Variants in PIK3CD observed in about 807,000 individuals in gnomAD.
PIK3CD encodes the protein phosphatidylinositol 4,5-bisphosphate 3-kinase catalytic subunit delta isoform.
PIK3CD carries 20 observed loss-of-function variants against 122.9 expected under a neutral mutation model. That is an observed-to-expected ratio of 0.16 (90% CI 0.11 to 0.24). The LOEUF is 0.24. Ranked by LOEUF, PIK3CD falls within the 10% of genes least tolerant of loss-of-function variation. PIK3CD has a pLI of 1.00. For missense variants in PIK3CD, 787 were observed against 1,406.3 expected, an observed-to-expected ratio of 0.56 and a Z score of 7.04; for synonymous variants, 596 against 593.4, an observed-to-expected ratio of 1.00 and a Z score of -0.06.
At chr1:9,645,038 T>TTTC in the PIK3CD span, among the ~76,000 whole-genome samples, 1 of 142,892 alleles carries the variant, frequency 7.0e-6, no homozygotes, top group African/African-American at 2.6e-5. Context: ...TTTTTTTTTT[T>TTTC]TTTTTGAGAC....
chr1:9,638,514 C>T, the PIK3CD span, among the ~76,000 whole-genome samples: 69 of 151,934 alleles, frequency 4.5e-4, no homozygotes, highest in African/African-American at 1.6e-3. Context: ...GGGCGGATCA[C>T]GAGGTCAGGA....
intron 2 of PIK3CD, among the ~76,000 whole-genome samples, chr1:9,695,332 G>T (rs80139081): frequency 6.6e-6 from 1 of 152,110 alleles, no homozygotes; most frequent in East Asian, 1.9e-4. Context: ...GGAAAAGTAT[G>T]TAGGAAACAA....
intron 2 of PIK3CD, among the ~76,000 whole-genome samples, chr1:9,706,597 T>C (rs1215898073): frequency 4.6e-5 from 7 of 152,152 alleles, no homozygotes; most frequent in Non-Finnish European, 1.0e-4. Context: ...AATCTAGAAA[T>C]GAAATTGCAG....
At position 9,652,151 on chromosome 1, in the gene PIK3CD, G is replaced by T. The variant is rs886894136; in HGVS notation, c.-138+349G>T. ...TCAGCTGCGCTCACAGCGGCGGTGC[G>T]GCCTCCGGTGCGCCGGCTGAGGCGC... On this transcript the variant is annotated intron_variant, in intron 1 of 23. Transcript: ENST00000377346. The surrounding 1 kb of genome is among the most constrained non-coding windows in gnomAD (Gnocchi z 6.2). Among the ~76,000 whole-genome samples, 1 of 152,144 alleles carries T rather than the reference G, an allele frequency of 6.6e-6. No homozygotes were observed. Among genetic ancestry groups the T allele is most frequent in the African/African-American group, 2.4e-5 (1 of 41,438 alleles).
At chr1:9,699,226 A>G (rs562259969) in intron 2 of PIK3CD, among the ~76,000 whole-genome samples, 1 of 152,222 alleles carries the variant, frequency 6.6e-6, no homozygotes, top group African/African-American at 2.4e-5. Flanking sequence ...GTGCCAAAAA[A>G]AGAGTAGGCT....
At chr1:9,636,924 GTCTC>G in the PIK3CD span, among the ~76,000 whole-genome samples, 2 of 150,828 alleles carry the variant, frequency 1.3e-5, no homozygotes, top group African/African-American at 4.9e-5. Flanking sequence ...TTGAGACGGA[GTCTC>G]TCTCTGTCAC....
chr1:9,726,001 C>CAGG (rs1392803266), intron 23 of PIK3CD, among the ~76,000 whole-genome samples: 2 of 151,684 alleles, frequency 1.3e-5, no homozygotes, highest in Non-Finnish European at 2.9e-5. Context: ...CACCTGAGGT[C>CAGG]AGGAGTTTGA....
rs772251920 is a variant in PIK3CD, at chr1:9,724,338, C to T, written c.2781C>T (p.Arg927=). Residue 927 remains arginine (R), a synonymous_variant, in exon 22 of 24, where the codon CGC becomes CGT. Transcript: ENST00000377346. The surrounding 1 kb of genome is among the most constrained non-coding windows in gnomAD (Gnocchi z 7.3). ...GNFKTKFGIN[R]ERVPFILTYD... is the part of the protein sequence containing the mutation. The stretch of plus-strand genomic sequence containing the variant: ...TCAAGACCAAGTTTGGAATCAACCG[C>T]GAGCGTGTCCCATTCATCCTCACCT... The T allele has an allele frequency of 3.2e-5, 51 of 1,614,034 alleles. No homozygotes were observed. The highest frequency in any genetic ancestry group is 1.9e-4 in the African/African-American group (14 of 74,940).
chr1:9,693,401 T>G (rs973942888), intron 2 of PIK3CD, among the ~76,000 whole-genome samples: 14 of 101,336 alleles, frequency 1.4e-4, no homozygotes, highest in South Asian at 1.0e-3. Context: ...ATTTTTGTGG[T>G]TTTTTTTTTT....
chr1:9,695,863 G>GAAA (rs1646397474), intron 2 of PIK3CD, among the ~76,000 whole-genome samples: 1 of 148,198 alleles, frequency 6.7e-6, no homozygotes, highest in Non-Finnish European at 1.5e-5. Context: ...AAAAAGAAAA[G>GAAA]AAAGAAAGAT....
At chr1:9,633,279 G>A in the PIK3CD span, among the ~76,000 whole-genome samples, 3 of 152,184 alleles carry the variant, frequency 2.0e-5, no homozygotes, top group Non-Finnish European at 2.9e-5. Context: ...CTCGTAAAAC[G>A]CTAGTTGGTT....
intron 1 of PIK3CD, among the ~76,000 whole-genome samples, chr1:9,669,893 G>C (rs1470224002): frequency 2.0e-5 from 3 of 152,096 alleles, no homozygotes; most frequent in Non-Finnish European, 2.9e-5. Flanking sequence ...AATGTTTCTT[G>C]CCAGGCGCGG....
Position 9,700,568 on chromosome 1 carries a change from C to T in PIK3CD, c.-33+8997C>T, listed in dbSNP as rs1321805584. Among the ~76,000 whole-genome samples the T allele has an allele frequency of 1.3e-5, 2 of 152,032 alleles. No individual in the cohort carries two copies. The highest frequency in any genetic ancestry group is 2.9e-5 in the Non-Finnish European group (2 of 67,992). On this transcript the variant is annotated intron_variant, in intron 2 of 23. Coordinates refer to ENST00000377346, the MANE Select transcript of PIK3CD (RefSeq NM_005026.5). This position sits in a 1 kb window ranked among gnomAD's most constrained non-coding sequence, Gnocchi z 5.1. Reference sequence around the variant, plus strand: ...GAGTAAGTGAGGAGGGATTGGTCACCGTCCATCACTGGGTGACGCGACCCC... The same window carrying T: ...GAGTAAGTGAGGAGGGATTGGTCACTGTCCATCACTGGGTGACGCGACCCC...
chr1:9,720,606 T>TGC lies in PIK3CD; in HGVS notation c.1471-4_1471-3dup. On this transcript the variant is annotated splice_polypyrimidine_tract_variant and splice_region_variant and intron_variant, in intron 11 of 23. Coordinates refer to ENST00000377346, the MANE Select transcript of PIK3CD (RefSeq NM_005026.5). This position sits in a 1 kb window ranked among gnomAD's most constrained non-coding sequence, Gnocchi z 9.0. Reference sequence around the variant, plus strand: ...GGGGACGCTGAGTGCAGCCGTTTGTTGCAGATCTTGGAGCTGGGGCGACAC... The same window carrying TGC: ...GGGGACGCTGAGTGCAGCCGTTTGTTGCGCAGATCTTGGAGCTGGGGCGACAC... 2 of 1,507,692 alleles carry TGC rather than the reference T, an allele frequency of 1.3e-6. No homozygotes were observed. The highest frequency in any genetic ancestry group is 8.9e-7 in the Non-Finnish European group (1 of 1,125,806). The allele number at this position is 1,507,692 out of a possible 1,614,324, so 93.4% of individuals were successfully genotyped here.
chr1:9,632,451 A>G, the PIK3CD span, among the ~76,000 whole-genome samples: 2 of 152,092 alleles, frequency 1.3e-5, no homozygotes, highest in African/African-American at 4.8e-5. Context: ...CAGCCTCCCA[A>G]GTAACTGGGA....
chr1:9,679,676 T>A (rs894540174), intron 1 of PIK3CD, among the ~76,000 whole-genome samples: 2 of 152,178 alleles, frequency 1.3e-5, no homozygotes, highest in African/African-American at 4.8e-5. Flanking sequence ...TGCCATTCCT[T>A]GGGCACCAGT....
intron 1 of PIK3CD, among the ~76,000 whole-genome samples, chr1:9,674,844 C>A (rs931500256): frequency 6.6e-6 from 1 of 151,426 alleles, no homozygotes; most frequent in Admixed American, 6.6e-5. Flanking sequence ...CTAGCCTGGG[C>A]AACATGGCAA....
At chr1:9,635,275 GAA>G in the PIK3CD span, among the ~76,000 whole-genome samples, 6 of 128,554 alleles carry the variant, frequency 4.7e-5, no homozygotes, top group Admixed American at 8.1e-5. Context: ...ACTCCATCCT[GAA>G]AAAAAAAAAA....
chr1:9,707,867 C>T (rs1186673158), intron 2 of PIK3CD, among the ~76,000 whole-genome samples: 4 of 150,850 alleles, frequency 2.7e-5, no homozygotes, highest in Admixed American at 2.0e-4. Flanking sequence ...GATCTCGGCT[C>T]ACTGCAAGCT....
Sources: gnomAD v4.1 joint callset for allele counts (sites outside exome capture counted in the v4.1 genomes callset) on GRCh38, gnomAD v4.1.1 for gene constraint, Gnocchi (gnomAD v3.1) non-coding constraint, MANE v1.5 for transcripts, NCBI Gene and HGNC (gene_info 2026-07-23, HGNC 2026-07-21) for gene names.